The following BACE2 variants were observed in gnomAD, a reference collection of about 807,000 sequenced individuals.
BACE2 encodes 56 kDa aspartic-like protease.
BACE2 carries 17 observed loss-of-function variants against 46.2 expected under a neutral mutation model. The observed-to-expected ratio is 0.37, with a 90% CI of 0.25 to 0.55. The LOEUF is 0.55. Ranked by LOEUF, BACE2 falls within the 20% of genes least tolerant of loss-of-function variation. The pLI is 0.82. For synonymous variants in BACE2, 277 were observed against 295.9 expected (o/e 0.94, Z 0.66); for missense variants, 595 against 698.1 (o/e 0.85, Z 1.66).
intron 6 of BACE2, among the ~76,000 whole-genome samples, chr21:41,249,227 C>T (rs1252726499): frequency 1.4e-5 from 2 of 141,004 alleles, no homozygotes; most frequent in African/African-American, 5.5e-5. Flanking sequence ...CCTCAGGGGA[C>T]TCAGGATTAG....
intron 1 of BACE2, chr21:41,179,070 G>A: frequency 8.6e-7 from 1 of 1,162,306 alleles, no homozygotes. Flanking sequence ...AGACTTGAGG[G>A]TGTCAGGGTG....
chr21:41,265,485 G>T (rs772365576), intron 8 of BACE2, among the ~76,000 whole-genome samples: 4 of 151,732 alleles, frequency 2.6e-5, no homozygotes, highest in Non-Finnish European at 5.9e-5. Flanking sequence ...AACCTACTTG[G>T]AAATTTTGGT....
At chr21:41,216,244 A>G (rs1429954002) in intron 1 of BACE2, among the ~76,000 whole-genome samples, 1 of 152,198 alleles carries the variant, frequency 6.6e-6, no homozygotes, top group Admixed American at 6.5e-5. Flanking sequence ...GCTCAGACAC[A>G]TGATGTGATG....
chr21:41,230,576 T>C (rs981952420), intron 2 of BACE2, among the ~76,000 whole-genome samples: 7 of 152,224 alleles, frequency 4.6e-5, no homozygotes, highest in South Asian at 2.1e-4. Context: ...GCTTCTGATC[T>C]CTCTTAGTTA....
chr21:41,187,527 G>A (rs927804235), intron 1 of BACE2, among the ~76,000 whole-genome samples: 15 of 152,170 alleles, frequency 9.9e-5, no homozygotes, highest in African/African-American at 2.9e-4. Flanking sequence ...TTTGGCCCAG[G>A]AATCACAAAA....
intron 1 of BACE2, among the ~76,000 whole-genome samples, chr21:41,213,389 C>A (rs1986357099): frequency 6.6e-6 from 1 of 152,088 alleles, no homozygotes; most frequent in Admixed American, 6.5e-5. Flanking sequence ...CGTTTACTCT[C>A]AGCCAGCAGG....
intron 6 of BACE2, among the ~76,000 whole-genome samples, chr21:41,247,124 A>G (rs1987492821): frequency 6.6e-6 from 1 of 152,138 alleles, no homozygotes; most frequent in Non-Finnish European, 1.5e-5. Flanking sequence ...GGCTGAATTC[A>G]AAGAGTGGCC....
chr21:41,247,458 C>G (rs1340001997), intron 6 of BACE2, among the ~76,000 whole-genome samples: 3 of 152,224 alleles, frequency 2.0e-5, no homozygotes, highest in African/African-American at 7.2e-5. Context: ...TGCTCAAAAT[C>G]AGACCCTACT....
chr21:41,208,151 T>C (rs1185484152), intron 1 of BACE2, among the ~76,000 whole-genome samples: 1 of 152,158 alleles, frequency 6.6e-6, no homozygotes, highest in Non-Finnish European at 1.5e-5. Flanking sequence ...ACGACCCACA[T>C]GTAAGAATGT....
At chr21:41,180,819 A>G (rs534298995) in intron 1 of BACE2, 2 of 167,250 alleles carry the variant, frequency 1.2e-5, no homozygotes, top group South Asian at 2.1e-4. Flanking sequence ...AGCAGGTTTT[A>G]TTAATAACTG....
At chr21:41,238,405 G>A (rs1987186855) in intron 3 of BACE2, among the ~76,000 whole-genome samples, 7 of 152,248 alleles carry the variant, frequency 4.6e-5, no homozygotes. Flanking sequence ...GCAGGAGGAG[G>A]GAGGCAGGCA....
intron 1 of BACE2, among the ~76,000 whole-genome samples, chr21:41,220,404 C>T (rs955106717): frequency 1.3e-5 from 2 of 152,200 alleles, no homozygotes; most frequent in Non-Finnish European, 1.5e-5. Context: ...TCCCAGTCCT[C>T]TAATCCCGCC....
Position 41,243,520 on chromosome 21 carries a change from C to A in BACE2, c.882+10C>A. The A allele has an allele frequency of 1.2e-6, 2 of 1,603,344 alleles. No homozygotes were observed. The highest frequency in any genetic ancestry group is 8.5e-7 in the Non-Finnish European group (1 of 1,175,708). ...TCTGGACTGCAGAGAGGTATTTATGCTATGGTCTCTGTTGTGTCTTTCTGT... is the reference window on the plus strand; with the variant it reads ...TCTGGACTGCAGAGAGGTATTTATGATATGGTCTCTGTTGTGTCTTTCTGT... On this transcript the variant is annotated intron_variant, in intron 5 of 8. Transcript: ENST00000330333.
chr21:41,264,025 A>T (rs1278053508), intron 8 of BACE2, among the ~76,000 whole-genome samples: 4 of 151,982 alleles, frequency 2.6e-5, no homozygotes, highest in African/African-American at 9.7e-5. Flanking sequence ...TTGACCCTTC[A>T]TTTATGTTTT....
At chr21:41,211,233 G>C (rs889333832) in intron 1 of BACE2, among the ~76,000 whole-genome samples, 2 of 147,180 alleles carry the variant, frequency 1.4e-5, no homozygotes, top group African/African-American at 5.1e-5. Context: ...CCCAAGAGGA[G>C]CCCAGGTATC....
chr21:41,242,721 G>A (rs934749931), intron 4 of BACE2, among the ~76,000 whole-genome samples: 10 of 152,230 alleles, frequency 6.6e-5, no homozygotes, highest in Middle Eastern at 3.4e-3. Context: ...ATAATTGTCA[G>A]TCAGTGTGGT....
intron 5 of BACE2, among the ~76,000 whole-genome samples, chr21:41,245,458 A>G (rs1193268143): frequency 6.6e-6 from 1 of 152,242 alleles, no homozygotes; most frequent in Non-Finnish European, 1.5e-5. Context: ...GTCTCAGTCT[A>G]TGATGCACTG....
chr21:41,219,183 G>A (rs1342817624), intron 1 of BACE2, among the ~76,000 whole-genome samples: 2 of 152,132 alleles, frequency 1.3e-5, no homozygotes, highest in Non-Finnish European at 2.9e-5. Flanking sequence ...TTTTAGAAGT[G>A]TGCAGAGTGG....
At chr21:41,256,060 CT>C (rs375259258) in intron 7 of BACE2, among the ~76,000 whole-genome samples, 41 of 147,230 alleles carry the variant, frequency 2.8e-4, no homozygotes, top group Admixed American at 4.8e-4. Context: ...GTCAGGCAAC[CT>C]TTTTTTTTTG....
Sources: gnomAD v4.1 joint callset for allele counts (sites outside exome capture counted in the v4.1 genomes callset) on GRCh38, gnomAD v4.1.1 for gene constraint, MANE v1.5 for transcripts, NCBI Gene and HGNC (gene_info 2026-07-23, HGNC 2026-07-21) for gene names.